FSTL4: variants seen among roughly 807,000 people sequenced by gnomAD.
FSTL4 encodes follistatin like 4.
In FSTL4, 28 loss-of-function variants were observed where a neutral mutation model predicts 78.2. The ratio of observed to expected loss-of-function variants is 0.36; its 90% confidence interval spans 0.27 to 0.49. FSTL4 has a LOEUF of 0.49. Among genes scored for constraint, FSTL4 ranks in the 20% least tolerant of loss-of-function variants. The pLI, the probability that FSTL4 is intolerant of heterozygous loss-of-function variation, is 0.98. For missense variants in FSTL4, 922 were observed against 1,084.9 expected, an observed-to-expected ratio of 0.85 and a Z score of 2.11; for synonymous variants, 422 against 440.5, an observed-to-expected ratio of 0.96 and a Z score of 0.53.
rs1206295976 is a variant in FSTL4 at position 133,338,952 on chromosome 5, T to A, written c.410-22300A>T. ...CCCCGGATGACCACTATGCCTCCGA[T>A]CATGTCCCCACCAATCCTCCCCCAC... On this transcript the variant is annotated intron_variant, in intron 4 of 15. Transcript: ENST00000265342. The surrounding 1 kb of genome is among the most constrained non-coding windows in gnomAD (Gnocchi z 4.0). 1.3e-5 allele frequency among the ~76,000 whole-genome samples: 2 copies of A among 152,068 alleles called. No homozygotes were observed. Among genetic ancestry groups the A allele is most frequent in the Non-Finnish European group, 2.9e-5 (2 of 67,998 alleles).
chr5:133,233,669 G>C (rs939000138), intron 7 of FSTL4, 132 bp from the exon 8 acceptor site: 3 of 1,147,984 alleles, frequency 2.6e-6, no homozygotes, highest in Non-Finnish European at 2.5e-6. Flanking sequence ...TGCTCAGCCA[G>C]AGCTGTCTGC....
chr5:133,574,831 C>T (rs1190146527), intron 2 of FSTL4: 1 of 152,160 alleles, frequency 6.6e-6, no homozygotes, highest in Non-Finnish European at 1.5e-5. Context: ...ACAAATAGTA[C>T]AGTTTATAAG....
chr5:133,272,341 G>C (rs546131360), intron 6 of FSTL4, among the ~76,000 whole-genome samples: 3 of 152,236 alleles, frequency 2.0e-5, no homozygotes, highest in Non-Finnish European at 2.9e-5. Context: ...CGCATTGTTT[G>C]TCTGTGGAAA....
chr5:133,809,585 C>T, the FSTL4 span, among the ~76,000 whole-genome samples: 2 of 149,778 alleles, frequency 1.3e-5, no homozygotes, highest in African/African-American at 5.0e-5. Flanking sequence ...GTCCACCCCC[C>T]AAGTCAGGAT....
At chr5:133,349,236 C>G (rs192889210) in intron 4 of FSTL4, among the ~76,000 whole-genome samples, 109 of 152,158 alleles carry the variant, frequency 7.2e-4, no homozygotes, top group South Asian at 1.5e-3. Flanking sequence ...ACACCAAACA[C>G]TCTTTTAATT....
chr5:133,731,269 G>A, the FSTL4 span, among the ~76,000 whole-genome samples: 1 of 152,078 alleles, frequency 6.6e-6, no homozygotes, highest in Non-Finnish European at 1.5e-5. Flanking sequence ...TCGACTGGAC[G>A]AGCCCTGGCC....
At chr5:133,237,308 A>G (rs1453669878) in intron 7 of FSTL4, among the ~76,000 whole-genome samples, 1 of 152,176 alleles carries the variant, frequency 6.6e-6, no homozygotes, top group African/African-American at 2.4e-5. Context: ...GGAAAAGCCC[A>G]TCGCGCATGG....
the FSTL4 span, among the ~76,000 whole-genome samples, chr5:133,645,813 G>C: frequency 6.6e-6 from 1 of 152,118 alleles, no homozygotes; most frequent in African/African-American, 2.4e-5. Flanking sequence ...GGAACACCTG[G>C]AACACCAGAA....
At chr5:133,766,163 G>A in the FSTL4 span, among the ~76,000 whole-genome samples, 4 of 152,178 alleles carry the variant, frequency 2.6e-5, no homozygotes, top group African/African-American at 9.7e-5. Flanking sequence ...CTTGGCCTAT[G>A]GGGCCAAGTT....
At chr5:133,763,908 C>T in the FSTL4 span, among the ~76,000 whole-genome samples, 4 of 152,168 alleles carry the variant, frequency 2.6e-5, no homozygotes, top group Non-Finnish European at 2.9e-5. Flanking sequence ...TGGCAGCAGA[C>T]GGGCCCGTGC....
At chr5:133,464,858 A>C (rs1355005997) in intron 3 of FSTL4, among the ~76,000 whole-genome samples, 2 of 152,200 alleles carry the variant, frequency 1.3e-5, no homozygotes, top group South Asian at 4.1e-4. Context: ...TAGTAATTTA[A>C]GTGGGACCTT....
At chr5:133,311,407 A>G (rs537721007) in intron 6 of FSTL4, among the ~76,000 whole-genome samples, 2 of 152,208 alleles carry the variant, frequency 1.3e-5, no homozygotes, top group East Asian at 3.9e-4. Context: ...CCTGGGGTGG[A>G]CTTTGGTACT....
chr5:133,511,540 C>T (rs970986046), intron 3 of FSTL4, among the ~76,000 whole-genome samples: 4 of 152,188 alleles, frequency 2.6e-5, no homozygotes, highest in Non-Finnish European at 4.4e-5. Flanking sequence ...AAGGGGCACA[C>T]GTGACCCAAA....
At chr5:133,387,905 G>C (rs1755740584) in intron 4 of FSTL4, 1 of 152,132 alleles carries the variant, frequency 6.6e-6, no homozygotes, top group Non-Finnish European at 1.5e-5. Context: ...CACCAGTGAA[G>C]GCAGGAGGTG....
At chr5:133,431,870 G>T (rs1424124804) in intron 3 of FSTL4, among the ~76,000 whole-genome samples, 2 of 152,056 alleles carry the variant, frequency 1.3e-5, no homozygotes, top group Non-Finnish European at 1.5e-5. Context: ...AATCCTTGGG[G>T]TTTTTTTCAT....
chr5:133,814,252 A>T, the FSTL4 span, among the ~76,000 whole-genome samples: 1 of 152,148 alleles, frequency 6.6e-6, no homozygotes, highest in African/African-American at 2.4e-5. Context: ...GGGAGGAGAA[A>T]GGGAGGAACT....
intron 2 of FSTL4, among the ~76,000 whole-genome samples, chr5:133,581,216 A>C (rs1760397638): frequency 6.6e-6 from 1 of 152,216 alleles, no homozygotes; most frequent in Non-Finnish European, 1.5e-5. Flanking sequence ...TTTCTTTTAC[A>C]ACAGAGTCAA....
chr5:133,741,104 A>G, the FSTL4 span, among the ~76,000 whole-genome samples: 2 of 152,182 alleles, frequency 1.3e-5, no homozygotes, highest in Non-Finnish European at 2.9e-5. Context: ...GCATAACTAG[A>G]ATGAATAGAA....
chr5:133,830,646 G>C, the FSTL4 span, among the ~76,000 whole-genome samples: 1 of 152,202 alleles, frequency 6.6e-6, no homozygotes, highest in Non-Finnish European at 1.5e-5. Context: ...GCCTCAGGCA[G>C]GGCCATGCTT....
Sources: gnomAD v4.1 joint callset for allele counts (sites outside exome capture counted in the v4.1 genomes callset) on GRCh38, gnomAD v4.1.1 for gene constraint, Gnocchi (gnomAD v3.1) non-coding constraint, MANE v1.5 for transcripts, NCBI Gene and HGNC (gene_info 2026-07-23, HGNC 2026-07-21) for gene names.